Variants in CTNNA2 observed in about 807,000 individuals in gnomAD.
CTNNA2 encodes the protein catenin alpha-2.
CTNNA2 carries 42 observed loss-of-function variants against 101.0 expected under a neutral mutation model. That is an observed-to-expected ratio of 0.42 (90% CI 0.32 to 0.54). The LOEUF is 0.54. CTNNA2 is among the 20% of genes least tolerant of loss of function. The probability of loss-of-function intolerance (pLI) is 0.14; values close to 1 mark genes in which losing one functional copy is unlikely to be tolerated. For synonymous variants in CTNNA2, 450 were observed against 456.4 expected (o/e 0.99, Z 0.18); for missense variants, 871 against 1,223.1 (o/e 0.71, Z 4.29).
intron 18 of CTNNA2, among the ~76,000 whole-genome samples, chr2:80,630,814 A>T (rs1272855290): frequency 6.6e-6 from 1 of 151,924 alleles, no homozygotes; most frequent in Non-Finnish European, 1.5e-5. Flanking sequence ...TGTGTTTGTT[A>T]ATATATATTA....
At chr2:79,754,021 A>G (rs2105046389) in intron 3 of CTNNA2, among the ~76,000 whole-genome samples, 1 of 151,852 alleles carries the variant, frequency 6.6e-6, no homozygotes, top group South Asian at 2.1e-4. Flanking sequence ...GGAGTGTGCT[A>G]CCATGCCTGG....
intron 3 of CTNNA2, among the ~76,000 whole-genome samples, chr2:79,321,006 G>A (rs551643902): frequency 6.6e-6 from 1 of 152,280 alleles, no homozygotes; most frequent in African/African-American, 2.4e-5. Context: ...GGATCTTAGA[G>A]TATCTCAAGG....
chr2:80,498,960 T>A (rs1687667810), intron 9 of CTNNA2, among the ~76,000 whole-genome samples: 1 of 152,142 alleles, frequency 6.6e-6, no homozygotes, highest in Admixed American at 6.5e-5. Flanking sequence ...CACTCACACA[T>A]AACCCAGATG....
At chr2:80,332,431 G>A (rs889159209) in intron 7 of CTNNA2, among the ~76,000 whole-genome samples, 5 of 152,136 alleles carry the variant, frequency 3.3e-5, no homozygotes, top group African/African-American at 4.8e-5. Flanking sequence ...GAAGGTCTGC[G>A]GCTGTCCATG....
chr2:79,339,420 T>C (rs1677079928), intron 3 of CTNNA2, among the ~76,000 whole-genome samples: 1 of 152,178 alleles, frequency 6.6e-6, no homozygotes, highest in African/African-American at 2.4e-5. Flanking sequence ...GTGCCTGATA[T>C]ACATATTAAG....
intron 1 of CTNNA2, among the ~76,000 whole-genome samples, chr2:79,553,110 A>AT (rs962956549): frequency 5.3e-5 from 8 of 151,996 alleles, no homozygotes; most frequent in Admixed American, 2.6e-4. Flanking sequence ...GTTCCCAATC[A>AT]TTTTTTTGCC....
At chr2:79,959,879 A>G (rs563777296) in intron 7 of CTNNA2, among the ~76,000 whole-genome samples, 1 of 152,314 alleles carries the variant, frequency 6.6e-6, no homozygotes, top group South Asian at 2.1e-4. Context: ...TGAGCTATAA[A>G]GCTCTGTTCT....
chr2:79,526,626 C>T (rs1002987092), intron 1 of CTNNA2, among the ~76,000 whole-genome samples: 2 of 152,096 alleles, frequency 1.3e-5, no homozygotes, highest in Non-Finnish European at 1.5e-5. Flanking sequence ...TCAGCATAGG[C>T]ATTTATTTTA....
chr2:79,540,537 T>C (rs1029375057), intron 1 of CTNNA2, among the ~76,000 whole-genome samples: 1 of 152,200 alleles, frequency 6.6e-6, no homozygotes, highest in Non-Finnish European at 1.5e-5. Context: ...CTAATCCCCA[T>C]TGTATTCCTG....
At position 80,481,761 on chromosome 2, in the gene CTNNA2, C is replaced by T. The variant is rs143739642; in HGVS notation, c.1290+62160C>T. ...TTTGCTTTGCAGCCTCTATGGATCA[C>T]GGATTATAATTAAGAACCAAGGTTT... On this transcript the variant is annotated intron_variant, in intron 9 of 18. Transcript: ENST00000402739. Among the ~76,000 whole-genome samples the T allele has an allele frequency of 3.1e-3, 470 of 152,062 alleles. 4 individuals are homozygous for T. Among genetic ancestry groups the T allele is most frequent in the African/African-American group, 0.01 (427 of 41,474 alleles).
At chr2:79,413,197 G>T (rs761574187) in intron 4 of CTNNA2, among the ~76,000 whole-genome samples, 53 of 151,738 alleles carry the variant, frequency 3.5e-4, no homozygotes, top group Admixed American at 5.3e-4. Context: ...GGGTGGTTCT[G>T]GGAAAAAATG....
chr2:80,516,201 T>G (rs1024295403), intron 9 of CTNNA2, among the ~76,000 whole-genome samples: 2 of 152,200 alleles, frequency 1.3e-5, no homozygotes, highest in Non-Finnish European at 2.9e-5. Flanking sequence ...TTGGCTAATA[T>G]GCATCTTGCC....
At chr2:79,843,485 C>G (rs921138628) in intron 3 of CTNNA2, among the ~76,000 whole-genome samples, 17 of 152,340 alleles carry the variant, frequency 1.1e-4, no homozygotes, top group African/African-American at 3.6e-4. Context: ...CCTGGGCTGC[C>G]ATTGTCCCCG....
intron 7 of CTNNA2, among the ~76,000 whole-genome samples, chr2:80,291,448 A>C (rs1239357921): frequency 6.6e-6 from 1 of 152,368 alleles, no homozygotes; most frequent in East Asian, 1.9e-4. Flanking sequence ...CTCTTGATAC[A>C]GGACCTCCTC....
chr2:80,635,687 G>A (rs1262396905), intron 18 of CTNNA2, among the ~76,000 whole-genome samples: 1 of 152,134 alleles, frequency 6.6e-6, no homozygotes, highest in African/African-American at 2.4e-5. Flanking sequence ...CTCCTGTGCA[G>A]TTCTGTTAGT....
In CTNNA2 at chr2:79,869,925, G is replaced by A. The variant is rs1682455056; in HGVS notation, c.575G>A (p.Arg192Lys). 2.5e-6 allele frequency: 4 copies of A among 1,613,576 alleles called. No homozygotes were observed. The highest frequency in any genetic ancestry group is 3.4e-6 in the Non-Finnish European group (4 of 1,179,976). ...GTGAAACTTAACTATGTAGCAGCAA[G>A]AAGACAACAGGTGGGAAAGATTTTA... is the stretch of plus-strand genomic sequence containing the variant. ...EMVKLNYVAARRQQELKDPHC... is the reference protein window; with the variant it reads ...EMVKLNYVAAKRQQELKDPHC... Residue 192 changes from arginine (R) to lysine (K), a missense_variant, in exon 5 of 19, where the codon AGA becomes AAA. This residue lies in a region of CTNNA2 where 647 missense variants were observed against 831.5 expected (regional missense o/e 0.78). Transcript: ENST00000402739.
chr2:80,589,815 T>C (rs999330836), intron 15 of CTNNA2, among the ~76,000 whole-genome samples: 17 of 151,946 alleles, frequency 1.1e-4, no homozygotes, highest in African/African-American at 4.1e-4. Context: ...ATTCTGAAGA[T>C]AAAGTGAATG....
intron 4 of CTNNA2, among the ~76,000 whole-genome samples, chr2:79,438,901 T>TA (rs1254955428): frequency 3.3e-5 from 5 of 152,054 alleles, no homozygotes; most frequent in Non-Finnish European, 7.4e-5. Context: ...ATGACTAAAA[T>TA]AAAAAAGATT....
intron 4 of CTNNA2, among the ~76,000 whole-genome samples, chr2:79,388,065 A>G (rs978887649): frequency 2.6e-5 from 4 of 152,182 alleles, no homozygotes; most frequent in Non-Finnish European, 5.9e-5. Flanking sequence ...TTTTTACTCA[A>G]TCAGAACTGG....
Sources: gnomAD v4.1 joint callset for allele counts (sites outside exome capture counted in the v4.1 genomes callset) on GRCh38, gnomAD v4.1.1 for gene constraint, gnomAD v4.1.1 regional missense constraint, MANE v1.5 for transcripts, NCBI Gene and HGNC (gene_info 2026-07-23, HGNC 2026-07-21) for gene names.